Variants in GRK5 observed in about 807,000 individuals in gnomAD.
GRK5 encodes the protein G protein-coupled receptor kinase 5.
A neutral mutation model predicts 78.4 loss-of-function variants in GRK5; 40 were observed. The observed-to-expected ratio is 0.51, with a 90% CI of 0.40 to 0.66. The LOEUF is 0.66. GRK5 is among the 30% of genes least tolerant of loss of function. GRK5 has a pLI of 0.00. For missense variants in GRK5, 598 were observed against 759.9 expected, an observed-to-expected ratio of 0.79 and a Z score of 2.50; for synonymous variants, 289 against 296.8, an observed-to-expected ratio of 0.97 and a Z score of 0.27.
chr10:119,423,764 T>C (rs1852617398), intron 5 of GRK5, among the ~76,000 whole-genome samples: 1 of 152,080 alleles, frequency 6.6e-6, no homozygotes, highest in Non-Finnish European at 1.5e-5. Context: ...GCATGAGCAC[T>C]GAGGAGCACA....
At chr10:119,312,551 A>T (rs11819686) in intron 1 of GRK5, among the ~76,000 whole-genome samples, 13,012 of 152,250 alleles carry the variant, frequency 0.085, 1,504 homozygotes, top group African/African-American at 0.26. Context: ...CAGAGACCCT[A>T]TCTGGCCCTT....
Position 119,326,607 on chromosome 10 carries a change from C to G in GRK5, c.144C>G (p.Thr48=). Reference sequence around the variant, plus strand: ...GCCAGTGTGAAGACCTCCGAAGGACCATAGGTAAGCTGTCCTGCCTGGGGG... The same window carrying G: ...GCCAGTGTGAAGACCTCCGAAGGACGATAGGTAAGCTGTCCTGCCTGGGGG... The part of the protein sequence containing the change: ...HISQCEDLRR[T]IDRDYCSLCD... Residue 48 remains threonine, a synonymous_variant, in exon 2 of 16, where the codon ACC becomes ACG. Transcript: ENST00000392870. 1 of 1,611,208 alleles carries G rather than the reference C, an allele frequency of 6.2e-7. No homozygotes were observed. Among genetic ancestry groups the G allele is most frequent in the Non-Finnish European group, 8.5e-7 (1 of 1,177,400 alleles).
intron 1 of GRK5, among the ~76,000 whole-genome samples, chr10:119,286,498 TG>T (rs891923553): frequency 1.3e-5 from 2 of 152,264 alleles, no homozygotes; most frequent in African/African-American, 2.4e-5. Flanking sequence ...CGTGGGGGTC[TG>T]GAGGGCCCCA....
In GRK5 at chr10:119,441,906, C is replaced by G; in HGVS notation, c.968-93C>G. On this transcript the variant is annotated intron_variant, in intron 10 of 15. Transcript: ENST00000392870. ...GTTGTCCTTGGACAGATGAGAATGCCGAGAGCTCGTATGCCTTGCCCAAGG... is the reference window on the plus strand; with the variant it reads ...GTTGTCCTTGGACAGATGAGAATGCGGAGAGCTCGTATGCCTTGCCCAAGG... The G allele has an allele frequency of 3.2e-6, 3 of 942,100 alleles. No individual in the cohort carries two copies. The South Asian group carries it at 4.0e-5, about 13-fold the overall frequency. The allele number at this position is 942,100 out of a possible 1,614,324, so 58.4% of individuals were successfully genotyped here. A position where few individuals can be genotyped will look rare whatever the true frequency, so the allele number is the denominator to read the frequency against.
chr10:119,411,064 C>T (rs1473173958), intron 4 of GRK5, among the ~76,000 whole-genome samples: 2 of 151,786 alleles, frequency 1.3e-5, no homozygotes, highest in Non-Finnish European at 2.9e-5. Context: ...CTGATGGACC[C>T]CAGCTGAAGA....
intron 1 of GRK5, among the ~76,000 whole-genome samples, chr10:119,222,275 C>A (rs1848666576): frequency 6.6e-6 from 1 of 151,770 alleles, no homozygotes; most frequent in African/African-American, 2.4e-5. Flanking sequence ...TTGTACAATT[C>A]TAGGGAGCCA....
chr10:119,239,706 G>A (rs545362393), intron 1 of GRK5, among the ~76,000 whole-genome samples: 393 of 106,074 alleles, frequency 3.7e-3, no homozygotes, highest in African/African-American at 0.013. Flanking sequence ...AATAAGCCCC[G>A]GTGTGTGATG....
At position 119,378,268 on chromosome 10, in the gene GRK5, C is replaced by T. The variant is rs1851655555; in HGVS notation, c.149-2547C>T. On this transcript the variant is annotated intron_variant, in intron 2 of 15. Transcript: ENST00000392870. This position sits in a 1 kb window ranked among gnomAD's most constrained non-coding sequence, Gnocchi z 4.5. ...GCTTGTTGGAGTGGCTATTTGTGAA[C>T]CATCTGTGCTGGGAGCGGTGGAGAC... Among the ~76,000 whole-genome samples, 7 of 152,086 alleles carry T rather than the reference C, an allele frequency of 4.6e-5. No individual in the cohort carries two copies. Among genetic ancestry groups the T allele is most frequent in the Admixed American group, 4.6e-4 (7 of 15,276 alleles).
intron 1 of GRK5, among the ~76,000 whole-genome samples, chr10:119,292,684 C>G (rs762970315): frequency 7.2e-5 from 11 of 152,174 alleles, no homozygotes; most frequent in Non-Finnish European, 1.3e-4. Flanking sequence ...GCACAAGTCC[C>G]TGACAGAAAA....
At chr10:119,364,987 T>C (rs1851422407) in intron 2 of GRK5, among the ~76,000 whole-genome samples, 1 of 152,188 alleles carries the variant, frequency 6.6e-6, no homozygotes, top group South Asian at 2.1e-4. Context: ...TTGTGCTGAG[T>C]AACTGAGGAG....
In GRK5 at chr10:119,381,459, A is replaced by G. The variant is rs190315068; in HGVS notation, c.261+532A>G. ...ATGTCAAATGAAGCACATGGCTGTCAAGCCGGTCTGACACCAATGGCTCCA... is the reference window on the plus strand; with the variant it reads ...ATGTCAAATGAAGCACATGGCTGTCGAGCCGGTCTGACACCAATGGCTCCA... On this transcript the variant is annotated intron_variant, in intron 3 of 15. Transcript: ENST00000392870. Among the ~76,000 whole-genome samples the G allele has an allele frequency of 1.6e-4, 25 of 152,390 alleles. No individual in the cohort carries two copies. In the East Asian group the frequency reaches 4.2e-3, roughly 26 times the overall value.
At chr10:119,399,742 A>C (rs1852117496) in intron 4 of GRK5, among the ~76,000 whole-genome samples, 1 of 151,992 alleles carries the variant, frequency 6.6e-6, no homozygotes, top group Non-Finnish European at 1.5e-5. Context: ...ATTGACCATA[A>C]TTTTTTTTCA....
intron 2 of GRK5, among the ~76,000 whole-genome samples, chr10:119,349,719 G>A (rs977341147): frequency 6.6e-6 from 1 of 152,194 alleles, no homozygotes; most frequent in Non-Finnish European, 1.5e-5. Context: ...TTTTTTCCCA[G>A]CTAAGTCTGA....
At chr10:119,432,530 C>T (rs1475665032) in intron 8 of GRK5, among the ~76,000 whole-genome samples, 2 of 152,230 alleles carry the variant, frequency 1.3e-5, no homozygotes, top group Non-Finnish European at 2.9e-5. Flanking sequence ...CACAATAAAA[C>T]GAAAAGCTTC....
chr10:119,293,896 TA>T (rs1282062657), intron 1 of GRK5, among the ~76,000 whole-genome samples: 1 of 152,146 alleles, frequency 6.6e-6, no homozygotes, highest in African/African-American at 2.4e-5. Context: ...TATTACGATC[TA>T]ATAATGACAA....
At chr10:119,442,130 C>T in intron 11 of GRK5, 42 bp downstream of exon 11, 2 of 1,532,088 alleles carry the variant, frequency 1.3e-6, no homozygotes, top group Non-Finnish European at 1.8e-6. Flanking sequence ...TTGAGACCCA[C>T]CACCTGCTCA....
chr10:119,232,209 A>G (rs1217784230), intron 1 of GRK5, among the ~76,000 whole-genome samples: 1 of 152,226 alleles, frequency 6.6e-6, no homozygotes, highest in Non-Finnish European at 1.5e-5. Context: ...GCATTATGCT[A>G]AGTGAAATAA....
Position 119,378,270 on chromosome 10 carries a change from A to T in GRK5, c.149-2545A>T, listed in dbSNP as rs1851655664. ...TTGTTGGAGTGGCTATTTGTGAACC[A>T]TCTGTGCTGGGAGCGGTGGAGACTG... On this transcript the variant is annotated intron_variant, in intron 2 of 15. Transcript: ENST00000392870. The surrounding 1 kb of genome is among the most constrained non-coding windows in gnomAD (Gnocchi z 4.5). 6.6e-6 allele frequency among the ~76,000 whole-genome samples: 1 copy of T among 152,228 alleles called. No individual in the cohort carries two copies. Among genetic ancestry groups the T allele is most frequent in the African/African-American group, 2.4e-5 (1 of 41,542 alleles).
chr10:119,280,714 C>G (rs1244296571), intron 1 of GRK5, among the ~76,000 whole-genome samples: 1 of 151,948 alleles, frequency 6.6e-6, no homozygotes, highest in African/African-American at 2.4e-5. Flanking sequence ...TATTTTTCTC[C>G]CAGAATGCTT....
Sources: allele counts gnomAD v4.1 joint callset (sites outside exome capture counted in the v4.1 genomes callset), GRCh38; gene constraint gnomAD v4.1.1; non-coding constraint Gnocchi (gnomAD v3.1); transcripts MANE v1.5; gene names NCBI Gene and HGNC (gene_info 2026-07-23, HGNC 2026-07-21).